The following NSMCE2 variants were observed in gnomAD, a reference collection of about 807,000 sequenced individuals.
NSMCE2 encodes the protein E3 SUMO-protein ligase NSE2.
Under a neutral mutation model 23.8 loss-of-function variants are expected in NSMCE2, and 24 were observed. That is an observed-to-expected ratio of 1.01 (90% confidence interval 0.73 to 1.42). The LOEUF is 1.42. NSMCE2 is among the 40% of genes most tolerant of loss of function. NSMCE2 has a pLI of 0.00. For synonymous variants in NSMCE2, 92 were observed against 94.1 expected (o/e 0.98, Z 0.13); for missense variants, 284 against 296.5 (o/e 0.96, Z 0.31).
chr8:125,348,195 AT>A (rs1363834265), intron 5 of NSMCE2: 1 of 152,216 alleles, frequency 6.6e-6, no homozygotes, highest in Non-Finnish European at 1.5e-5. Flanking sequence ...AGCAGTAACA[AT>A]TTTATAATTA....
intron 4 of NSMCE2, among the ~76,000 whole-genome samples, chr8:125,164,029 C>G (rs1005059402): frequency 4.6e-5 from 7 of 152,218 alleles, no homozygotes; most frequent in African/African-American, 1.7e-4. Flanking sequence ...GAATCCACCT[C>G]TCTTCTAGCT....
chr8:125,355,029 T>C (rs1341691299), intron 5 of NSMCE2, among the ~76,000 whole-genome samples: 2 of 152,194 alleles, frequency 1.3e-5, no homozygotes, highest in African/African-American at 4.8e-5. Context: ...ATAAATGAAA[T>C]TCATGTTTAG....
rs533402971 is a variant in NSMCE2, at chr8:125,105,429, C to G, written c.157+2942C>G. ...GATTGTATCAGTTTTTTTCAGGATT[C>G]TTTTTGAAGATTCCTGGGAGTTTTA... is the stretch of plus-strand genomic sequence containing the variant. On this transcript the variant is annotated intron_variant, in intron 3 of 7. Coordinates refer to ENST00000287437, the MANE Select transcript of NSMCE2 (RefSeq NM_173685.4). 1.7e-4 allele frequency among the ~76,000 whole-genome samples: 26 copies of G among 151,578 alleles called. No homozygotes were observed. The South Asian group carries it at 2.3e-3, about 13-fold the overall frequency.
At chr8:125,222,687 A>G (rs1824917737) in intron 5 of NSMCE2, among the ~76,000 whole-genome samples, 1 of 152,190 alleles carries the variant, frequency 6.6e-6, no homozygotes, top group Non-Finnish European at 1.5e-5. Flanking sequence ...TGTTGTTGCA[A>G]ATGACAGAAT....
intron 5 of NSMCE2, among the ~76,000 whole-genome samples, chr8:125,264,719 AG>A (rs1364322585): frequency 6.6e-6 from 1 of 152,184 alleles, no homozygotes; most frequent in Non-Finnish European, 1.5e-5. Context: ...AAATTATCAC[AG>A]GGTAGGAGAG....
chr8:125,290,981 AT>A (rs1363628900), intron 5 of NSMCE2, among the ~76,000 whole-genome samples: 7 of 152,220 alleles, frequency 4.6e-5, no homozygotes, highest in African/African-American at 1.4e-4. Flanking sequence ...CATTCAGTAA[AT>A]ATTCAGTAAA....
chr8:125,192,715 A>G (rs1185471010), intron 5 of NSMCE2, among the ~76,000 whole-genome samples: 2 of 152,188 alleles, frequency 1.3e-5, no homozygotes, highest in African/African-American at 4.8e-5. Flanking sequence ...AGGGCACAAT[A>G]ATGGAAATCG....
At chr8:125,303,485 A>C (rs777627940) in intron 5 of NSMCE2, among the ~76,000 whole-genome samples, 11 of 152,130 alleles carry the variant, frequency 7.2e-5, no homozygotes, top group Non-Finnish European at 1.3e-4. Context: ...AGGGGTATCC[A>C]TTTTTTCCAA....
At chr8:125,157,572 C>A (rs978753146) in intron 4 of NSMCE2, among the ~76,000 whole-genome samples, 3 of 152,176 alleles carry the variant, frequency 2.0e-5, no homozygotes, top group Non-Finnish European at 4.4e-5. Context: ...TGTTCGGTAA[C>A]ATTTTGCCTA....
chr8:125,200,201 T>A (rs1416949226), intron 5 of NSMCE2, among the ~76,000 whole-genome samples: 2 of 152,224 alleles, frequency 1.3e-5, no homozygotes, highest in Non-Finnish European at 2.9e-5. Context: ...TATGTTTGGA[T>A]TTGATCCTGT....
At chr8:125,152,841 T>G (rs1821110683) in intron 4 of NSMCE2, among the ~76,000 whole-genome samples, 1 of 151,984 alleles carries the variant, frequency 6.6e-6, no homozygotes, top group Admixed American at 6.6e-5. Context: ...GCGGATCACC[T>G]GAGGTCAGGA....
rs1264342491 is a variant in NSMCE2 at position 125,157,480 on chromosome 8, G to A, written c.264+6203G>A. The stretch of plus-strand genomic sequence containing the variant: ...TTCACTCTTCAGACACTTGGAATGT[G>A]TCTATTTCTGTGATTACTGGTAATT... On this transcript the variant is annotated intron_variant, in intron 4 of 7. Coordinates refer to ENST00000287437, the MANE Select transcript of NSMCE2 (RefSeq NM_173685.4). Among the ~76,000 whole-genome samples, 5 of 152,278 alleles carry A rather than the reference G, an allele frequency of 3.3e-5. No individual in the cohort carries two copies. In the East Asian group the frequency reaches 5.8e-4, roughly 18 times the overall value.
chr8:125,263,388 G>T (rs111387019), intron 5 of NSMCE2, among the ~76,000 whole-genome samples: 130 of 152,266 alleles, frequency 8.5e-4, no homozygotes, highest in African/African-American at 3.0e-3. Context: ...GAAGAAACTA[G>T]AAGGTTACTT....
At chr8:125,182,352 T>C in intron 5 of NSMCE2, 96 bp downstream of exon 5, 1 of 929,974 alleles carries the variant, frequency 1.1e-6, no homozygotes, top group South Asian at 1.5e-5. Flanking sequence ...AGTTTGCTTA[T>C]CTGCTTGGCT....
intron 3 of NSMCE2, among the ~76,000 whole-genome samples, chr8:125,116,884 A>AC (rs1819030360): frequency 6.9e-6 from 1 of 144,412 alleles, no homozygotes; most frequent in South Asian, 2.2e-4. Flanking sequence ...TAAGCATATA[A>AC]CTTTTTTTTT....
At chr8:125,363,498 CAAAAA>C (rs534236357) in intron 7 of NSMCE2, among the ~76,000 whole-genome samples, 1 of 123,674 alleles carries the variant, frequency 8.1e-6, no homozygotes, top group African/African-American at 3.0e-5. Context: ...GAGACCCTGT[CAAAAA>C]AAGAAAGAGG....
chr8:125,314,517 C>G (rs1829099329), intron 5 of NSMCE2, among the ~76,000 whole-genome samples: 1 of 152,182 alleles, frequency 6.6e-6, no homozygotes, highest in Non-Finnish European at 1.5e-5. Flanking sequence ...GTCTCGAACT[C>G]CTGACTTCGT....
intron 3 of NSMCE2, among the ~76,000 whole-genome samples, chr8:125,118,238 C>T (rs1819114991): frequency 6.6e-6 from 1 of 151,972 alleles, no homozygotes. Flanking sequence ...CCCAGCTACT[C>T]GGGAGGCTAA....
chr8:125,331,166 GGCAGGC>G (rs1002324117), intron 5 of NSMCE2, among the ~76,000 whole-genome samples: 9 of 152,112 alleles, frequency 5.9e-5, no homozygotes, highest in African/African-American at 1.9e-4. Flanking sequence ...CGGACTTGGT[GGCAGGC>G]GCCTGTAGTC....
Sources: allele counts gnomAD v4.1 joint callset (sites outside exome capture counted in the v4.1 genomes callset), GRCh38; gene constraint gnomAD v4.1.1; transcripts MANE v1.5; gene names NCBI Gene and HGNC (gene_info 2026-07-23, HGNC 2026-07-21).